Variants in HEPACAM2 observed in about 807,000 individuals in gnomAD.
HEPACAM2 encodes the protein mitotic kinetics regulator.
A neutral mutation model predicts 49.6 loss-of-function variants in HEPACAM2; 49 were observed. The observed-to-expected ratio is 0.99, with a 90% CI of 0.78 to 1.25. The LOEUF is 1.25. Ranked by LOEUF, HEPACAM2 falls within the 50% of genes most tolerant of loss-of-function variation. The probability of loss-of-function intolerance (pLI) is 0.00; values close to 1 mark genes in which losing one functional copy is unlikely to be tolerated. For missense variants in HEPACAM2, 525 were observed against 557.2 expected (o/e 0.94, Z 0.58); for synonymous variants, 197 against 202.9 (o/e 0.97, Z 0.25).
chr7:93,190,610 C>T (rs570020291), intron 9 of HEPACAM2, among the ~76,000 whole-genome samples: 5 of 151,932 alleles, frequency 3.3e-5, no homozygotes, highest in Admixed American at 1.3e-4. Flanking sequence ...GTCCCAATAG[C>T]GGTTTTGAAT....
upstream of HEPACAM2, among the ~76,000 whole-genome samples, chr7:93,228,318 A>AGCATATG (rs1269192644): frequency 6.6e-6 from 1 of 152,248 alleles, no homozygotes. Context: ...ATTAAAAAAT[A>AGCATATG]AATGCCATAT....
In HEPACAM2 at chr7:93,195,828, C is replaced by T. The variant is rs757475001; in HGVS notation, c.1275G>A (p.Arg425=). The change falls in exon 8 of 10, where the codon AGG becomes AGA. Residue 425 remains arginine (R), a splice_region_variant and synonymous_variant. Coordinates refer to ENST00000394468, the MANE Select transcript of HEPACAM2 (RefSeq NM_001039372.4). ...VAFPDVSGVS[R]IPSRSVPASD... ...TTAATCAGCCACTAGGAAAACCAAC[C>T]CTGGAAACACCAGAAACATCTGGAA... The T allele has an allele frequency of 2.5e-6, 4 of 1,612,042 alleles. No individual in the cohort carries two copies. The Admixed American group carries it at 5.0e-5, about 20-fold the overall frequency.
Position 93,189,121 on chromosome 7 carries a change from C to G in HEPACAM2, c.*146G>C. 1.6e-6 allele frequency: 1 copy of G among 630,866 alleles called. No individual in the cohort carries two copies. The highest frequency in any genetic ancestry group is 2.7e-6 in the Non-Finnish European group (1 of 364,068). The allele number at this position is 630,866 out of a possible 1,614,324, so 39.1% of individuals were successfully genotyped here. On this transcript the variant is annotated 3_prime_UTR_variant, in exon 10 of 10. Coordinates refer to ENST00000394468, the MANE Select transcript of HEPACAM2 (RefSeq NM_001039372.4). ...CCTGCAGTTCAATTTGCATAAATGC[C>G]TCTATTCTGCATGTAAAGGAATAAT...
At chr7:93,222,755 CTTAAT>C (rs1244238384) in intron 1 of HEPACAM2, among the ~76,000 whole-genome samples, 1 of 152,078 alleles carries the variant, frequency 6.6e-6, no homozygotes, top group Non-Finnish European at 1.5e-5. Flanking sequence ...TCTCGACTCT[CTTAAT>C]TTTATGTTAT....
chr7:93,202,032 C>CAAAAAAAAAA (rs71998232), intron 4 of HEPACAM2, among the ~76,000 whole-genome samples: 6 of 102,000 alleles, frequency 5.9e-5, no homozygotes, highest in Admixed American at 1.0e-4. Flanking sequence ...AAAAAAAAAC[C>CAAAAAAAAAA]AAAAAAAAAA....
At chr7:93,193,517 G>C (rs1365254533) in intron 8 of HEPACAM2, among the ~76,000 whole-genome samples, 1 of 152,146 alleles carries the variant, frequency 6.6e-6, no homozygotes, top group Non-Finnish European at 1.5e-5. Context: ...ACTCCTGAAA[G>C]AGGTGCTAAA....
At chr7:93,190,724 T>C (rs189908502) in intron 9 of HEPACAM2, among the ~76,000 whole-genome samples, 1 of 152,022 alleles carries the variant, frequency 6.6e-6, no homozygotes, top group African/African-American at 2.4e-5. Flanking sequence ...CTTAAGAAAG[T>C]CAAAAGATGT....
chr7:93,196,459 T>C lies in HEPACAM2; in HGVS notation c.1202-558A>G, dbSNP rs1395107762. The stretch of plus-strand genomic sequence containing the variant: ...AGGAACCAGATAGCCTCTGGGGCCC[T>C]TGCCAGCTCTGACATTCTGTCACTT... On this transcript the variant is annotated intron_variant, in intron 7 of 9. Coordinates refer to ENST00000394468, the MANE Select transcript of HEPACAM2 (RefSeq NM_001039372.4). Among the ~76,000 whole-genome samples, 4 of 152,134 alleles carry C rather than the reference T, an allele frequency of 2.6e-5. No homozygotes were observed. The East Asian group carries it at 7.7e-4, about 29-fold the overall frequency.
In HEPACAM2 at chr7:93,225,953, T is replaced by C. The variant is rs1228757218; in HGVS notation, c.79+415A>G. 2.2e-6 allele frequency: 3 copies of C among 1,335,886 alleles called. No homozygotes were observed. The Admixed American group carries it at 7.4e-5, about 33-fold the overall frequency. 82.8% of individuals were successfully genotyped at this position (1,335,886 alleles called of 1,614,324 possible). ...GCAGTAAACAGTTTGCAACAATATC[T>C]TTAATTAAAAAGAAAACAATTTTCG... On this transcript the variant is annotated intron_variant, in intron 1 of 9. Transcript: ENST00000394468.
chr7:93,208,982 C>G, intron 3 of HEPACAM2, 106 bp from the exon 4 acceptor site: 1 of 934,824 alleles, frequency 1.1e-6, no homozygotes. Flanking sequence ...AAATTTTCAT[C>G]TTAGAATTGG....
chr7:93,219,550 C>A, intron 1 of HEPACAM2, 99 bp from the exon 2 acceptor site: 1 of 1,559,950 alleles, frequency 6.4e-7, no homozygotes, highest in Admixed American at 1.8e-5. Flanking sequence ...TAATCCTTTT[C>A]AAAGAAGAGT....
At chr7:93,215,183 CT>C (rs1170740190) in intron 3 of HEPACAM2, among the ~76,000 whole-genome samples, 1 of 152,130 alleles carries the variant, frequency 6.6e-6, no homozygotes, top group Non-Finnish European at 1.5e-5. Context: ...TGAGTGGCCC[CT>C]GGCCAGTATT....
At chr7:93,192,619 A>T (rs528973066) in intron 8 of HEPACAM2, among the ~76,000 whole-genome samples, 3 of 152,118 alleles carry the variant, frequency 2.0e-5, no homozygotes, top group Non-Finnish European at 4.4e-5. Context: ...TTTAAGAAGA[A>T]AGCTGGCAGT....
At chr7:93,200,485 A>G (rs1220245505) in intron 4 of HEPACAM2, among the ~76,000 whole-genome samples, 3 of 152,166 alleles carry the variant, frequency 2.0e-5, no homozygotes, top group African/African-American at 4.8e-5. Context: ...TAAAGATCCC[A>G]AACACTTCTA....
Position 93,208,561 on chromosome 7 carries a change from C to T in HEPACAM2, c.1012+19G>A, listed in dbSNP as rs781141754. On this transcript the variant is annotated intron_variant, in intron 4 of 9. Coordinates refer to ENST00000394468, the MANE Select transcript of HEPACAM2 (RefSeq NM_001039372.4). ...CATTCATGTTTTATTAGGATCCCTT[C>T]CTTGTATGTCACACATACCTACGGA... is the stretch of plus-strand genomic sequence containing the variant. 4 of 1,602,114 alleles carry T rather than the reference C, an allele frequency of 2.5e-6. No homozygotes were observed. Among genetic ancestry groups the T allele is most frequent in the Non-Finnish European group, 3.4e-6 (4 of 1,172,584 alleles).
Position 93,195,850 on chromosome 7 carries a change from G to A in HEPACAM2, c.1253C>T (p.Pro418Leu). Residue 418 changes from proline (P) to leucine (L), a missense_variant, in exon 8 of 10, where the codon CCA (proline) becomes CTA (leucine). Transcript: ENST00000394468. ...DFGIYEFVAF[P>L]DVSGVSRIPS... ...AACCCTGGAAACACCAGAAACATCT[G>A]GAAAAGCAACAAATTCATATATTCC... 1.9e-6 allele frequency: 3 copies of A among 1,612,866 alleles called. No homozygotes were observed. Among genetic ancestry groups the A allele is most frequent in the Non-Finnish European group, 2.5e-6 (3 of 1,179,308 alleles).
chr7:93,223,514 AG>A (rs1372031170), intron 1 of HEPACAM2, among the ~76,000 whole-genome samples: 3 of 152,164 alleles, frequency 2.0e-5, no homozygotes, highest in African/African-American at 7.2e-5. Context: ...ATCATTATTT[AG>A]GGGAAAATTA....
At chr7:93,212,796 C>A (rs1437450315) in intron 3 of HEPACAM2, among the ~76,000 whole-genome samples, 1 of 152,126 alleles carries the variant, frequency 6.6e-6, no homozygotes, top group East Asian at 1.9e-4. Context: ...CTTGGAGGGG[C>A]AGCCTAGTAC....
At chr7:93,207,908 GAATAAA>G (rs1455680900) in intron 4 of HEPACAM2, among the ~76,000 whole-genome samples, 1 of 151,978 alleles carries the variant, frequency 6.6e-6, no homozygotes, top group East Asian at 1.9e-4. Context: ...TCATACAGGA[GAATAAA>G]ACCATTCTGT....
Sources: allele counts gnomAD v4.1 joint callset (sites outside exome capture counted in the v4.1 genomes callset), GRCh38; gene constraint gnomAD v4.1.1; transcripts MANE v1.5; gene names NCBI Gene and HGNC (gene_info 2026-07-23, HGNC 2026-07-21).